The following ALOX5 variants were observed in gnomAD, a reference collection of about 807,000 sequenced individuals.
The protein encoded by ALOX5 is polyunsaturated fatty acid 5-lipoxygenase.
In ALOX5, 64 loss-of-function variants were observed where a neutral mutation model predicts 87.9. That is an observed-to-expected ratio of 0.73 (90% CI 0.60 to 0.90). The LOEUF is 0.90. ALOX5 is among the 40% of genes least tolerant of loss of function. The pLI is 0.00. For synonymous variants in ALOX5, 388 were observed against 355.1 expected (o/e 1.09, Z -1.04); for missense variants, 822 against 907.5 (o/e 0.91, Z 1.21).
chr10:45,424,354 C>T (rs746636154), intron 5 of ALOX5, among the ~76,000 whole-genome samples: 4 of 152,170 alleles, frequency 2.6e-5, no homozygotes, highest in Non-Finnish European at 4.4e-5. Flanking sequence ...GTTTCTCCTC[C>T]TCAGATATTC....
rs1390510811 is a variant in ALOX5 at position 45,374,294 on chromosome 10, G to C, written c.15G>C (p.Thr5=). MPSY[T]VTVATGSQWF... The stretch of plus-strand genomic sequence containing the variant: ...CGGCCCGCGCCATGCCCTCCTACAC[G>C]GTCACCGTGGCCACTGGCAGCCAGT... Residue 5 remains threonine, a synonymous_variant, in exon 1 of 14, where the codon ACG becomes ACC. Coordinates refer to ENST00000374391, the MANE Select transcript of ALOX5 (RefSeq NM_000698.5). 8.6e-6 allele frequency: 13 copies of C among 1,513,390 alleles called. No homozygotes were observed. In the South Asian group the frequency reaches 1.5e-4, roughly 17 times the overall value. The allele number at this position is 1,513,390 out of a possible 1,614,324, so 93.7% of individuals were successfully genotyped here.
rs774708861 is a variant in ALOX5, at chr10:45,425,168, ACAGT to A, written c.834+38_834+41del. Reference sequence around the variant, plus strand: ...ATGGGCTGGGGAAGTGGCCAAGGTCACAGTCTGTCAGGTGGAAGCCAGTTCCTCC... The same window carrying A: ...ATGGGCTGGGGAAGTGGCCAAGGTCACTGTCAGGTGGAAGCCAGTTCCTCC... On this transcript the variant is annotated intron_variant, in intron 6 of 13. Transcript: ENST00000374391. This position sits in a 1 kb window ranked among gnomAD's most constrained non-coding sequence, Gnocchi z 4.4. 11 of 1,596,332 alleles carry A rather than the reference ACAGT, an allele frequency of 6.9e-6. No homozygotes were observed. The African/African-American group carries it at 1.5e-4, about 21-fold the overall frequency.
chr10:45,425,896 G>T lies in ALOX5; in HGVS notation c.834+764G>T, dbSNP rs1186401589. 6.6e-6 allele frequency among the ~76,000 whole-genome samples: 1 copy of T among 152,204 alleles called. No individual in the cohort carries two copies. The highest frequency in any genetic ancestry group is 2.4e-5 in the African/African-American group (1 of 41,452). On this transcript the variant is annotated intron_variant, in intron 6 of 13. Transcript: ENST00000374391. This position sits in a 1 kb window ranked among gnomAD's most constrained non-coding sequence, Gnocchi z 4.4. ...TACCCTGAGGCCCTAGTTGGAGAGGGATGGTTGGTGCCCTTTAGAGATAAA... is the reference window on the plus strand; with the variant it reads ...TACCCTGAGGCCCTAGTTGGAGAGGTATGGTTGGTGCCCTTTAGAGATAAA...
chr10:45,416,313 T>A (rs1841289108), intron 4 of ALOX5, among the ~76,000 whole-genome samples: 1 of 152,138 alleles, frequency 6.6e-6, no homozygotes, highest in Admixed American at 6.5e-5. Flanking sequence ...TGAATCCAGG[T>A]CTGTTTGTGT....
In ALOX5 at chr10:45,443,224, C is replaced by G; in HGVS notation, c.1451+8C>G. On this transcript the variant is annotated splice_region_variant and intron_variant, in intron 10 of 13. Coordinates refer to ENST00000374391, the MANE Select transcript of ALOX5 (RefSeq NM_000698.5). The stretch of plus-strand genomic sequence containing the variant: ...GTGGGAAGCCATCAGGACGTGAGCG[C>G]CCGCGGGGCGGTGGTCCTGGGGGAG... 1 of 1,611,124 alleles carries G rather than the reference C, an allele frequency of 6.2e-7. No homozygotes were observed. The highest frequency in any genetic ancestry group is 1.7e-4 in the Middle Eastern group (1 of 6,046).
intron 2 of ALOX5, among the ~76,000 whole-genome samples, chr10:45,393,636 T>C (rs1055458898): frequency 6.6e-6 from 1 of 152,188 alleles, no homozygotes. Context: ...ATAAAGGGTA[T>C]TTAATTAGGA....
chr10:45,419,059 G>A (rs955557342), intron 4 of ALOX5, among the ~76,000 whole-genome samples: 1 of 152,208 alleles, frequency 6.6e-6, no homozygotes, highest in Admixed American at 6.5e-5. Context: ...GGACCACAGG[G>A]GCGCTTTCCA....
At chr10:45,404,437 G>C (rs1661748241) in intron 3 of ALOX5, among the ~76,000 whole-genome samples, 1 of 152,244 alleles carries the variant, frequency 6.6e-6, no homozygotes, top group South Asian at 2.1e-4. Context: ...CACAGCTTGT[G>C]CTCTCCCACT....
At chr10:45,412,864 T>C (rs761116714) in intron 4 of ALOX5, among the ~76,000 whole-genome samples, 44 of 152,320 alleles carry the variant, frequency 2.9e-4, no homozygotes, top group Middle Eastern at 3.4e-3. Flanking sequence ...TCTGTGCACC[T>C]TTGTTTCATC....
At chr10:45,415,005 A>T (rs1274697156) in intron 4 of ALOX5, among the ~76,000 whole-genome samples, 2 of 152,232 alleles carry the variant, frequency 1.3e-5, no homozygotes, top group Non-Finnish European at 2.9e-5. Context: ...AACTAGTTCA[A>T]CCATTGTGGA....
chr10:45,428,626 C>T lies in ALOX5; in HGVS notation c.843C>T (p.Asn281=), dbSNP rs1302065944. ...CTCTCTGCCTCCTGCAGCAAGGGAA[C>T]ATTTTCATCGTGGACTTTGAGCTGC... The part of the protein sequence containing the change: ...LSLEQEVQQG[N]IFIVDFELLD... Residue 281 remains asparagine (N), a synonymous_variant, in exon 7 of 14, where the codon AAC becomes AAT. Transcript: ENST00000374391. The T allele has an allele frequency of 6.2e-6, 10 of 1,614,028 alleles. No individual in the cohort carries two copies. Among genetic ancestry groups the T allele is most frequent in the Non-Finnish European group, 8.5e-7 (1 of 1,180,034 alleles).
intron 7 of ALOX5, among the ~76,000 whole-genome samples, chr10:45,432,360 T>TAA (rs35877893): frequency 7.5e-5 from 10 of 132,978 alleles, no homozygotes; most frequent in Non-Finnish European, 9.8e-5. Flanking sequence ...ACCCTATCTT[T>TAA]AAAAAAAAAA....
intron 4 of ALOX5, among the ~76,000 whole-genome samples, chr10:45,413,807 A>G (rs184620511): frequency 6.6e-6 from 1 of 151,632 alleles, no homozygotes; most frequent in Non-Finnish European, 1.5e-5. Flanking sequence ...TAACAGACAG[A>G]CAGCCAAATC....
intron 2 of ALOX5, among the ~76,000 whole-genome samples, chr10:45,394,059 C>G (rs1237205728): frequency 6.6e-6 from 1 of 152,160 alleles, no homozygotes; most frequent in African/African-American, 2.4e-5. Flanking sequence ...AATGTCATCC[C>G]CATCAAACTA....
At chr10:45,423,030 C>G (rs912297184) in intron 4 of ALOX5, among the ~76,000 whole-genome samples, 1 of 152,198 alleles carries the variant, frequency 6.6e-6, no homozygotes, top group African/African-American at 2.4e-5. Context: ...CCCTCGTGAC[C>G]TCGTCTAACC....
At chr10:45,419,309 G>A (rs997186103) in intron 4 of ALOX5, among the ~76,000 whole-genome samples, 25 of 152,358 alleles carry the variant, frequency 1.6e-4, no homozygotes, top group African/African-American at 5.5e-4. Flanking sequence ...CCCGGCCGGG[G>A]GGGTCATTTA....
intron 12 of ALOX5, 40 bp from the exon 13 acceptor site, chr10:45,444,076 C>T (rs1842348154): frequency 1.3e-6 from 2 of 1,501,294 alleles, no homozygotes; most frequent in Admixed American, 2.1e-5. Context: ...GGCAGCAGGG[C>T]TTCGGGGGTG....
intron 4 of ALOX5, among the ~76,000 whole-genome samples, chr10:45,414,837 C>G (rs1422703564): frequency 6.6e-6 from 1 of 152,198 alleles, no homozygotes; most frequent in Non-Finnish European, 1.5e-5. Context: ...TGAAGAAATG[C>G]TCATCATCAC....
At chr10:45,391,459 G>C (rs1354870504) in intron 2 of ALOX5, among the ~76,000 whole-genome samples, 1 of 152,152 alleles carries the variant, frequency 6.6e-6, no homozygotes, top group Non-Finnish European at 1.5e-5. Flanking sequence ...CCACCTCCCA[G>C]CCGCCTGCCT....
Sources: gnomAD v4.1 joint callset for allele counts (sites outside exome capture counted in the v4.1 genomes callset) on GRCh38, gnomAD v4.1.1 for gene constraint, Gnocchi (gnomAD v3.1) non-coding constraint, MANE v1.5 for transcripts, NCBI Gene and HGNC (gene_info 2026-07-23, HGNC 2026-07-21) for gene names.